RANBP10: variants seen among roughly 807,000 people sequenced by gnomAD.
The protein encoded by RANBP10 is RAN binding protein 10.
In RANBP10, 24 loss-of-function variants were observed where a neutral mutation model predicts 72.8. The observed-to-expected ratio is 0.33, with a 90% CI of 0.24 to 0.46. RANBP10 has a LOEUF of 0.46. Ranked by LOEUF, RANBP10 falls within the 20% of genes least tolerant of loss-of-function variation. RANBP10 has a pLI of 1.00. For synonymous variants in RANBP10, 310 were observed against 322.3 expected, an observed-to-expected ratio of 0.96 and a Z score of 0.41; for missense variants, 679 against 817.5, an observed-to-expected ratio of 0.83 and a Z score of 2.07.
rs750890960 is a variant in RANBP10 at position 67,738,040 on chromosome 16, G to C, written c.569-5C>G. 1.1e-5 allele frequency: 18 copies of C among 1,587,510 alleles called. No individual in the cohort carries two copies. The highest frequency in any genetic ancestry group is 2.3e-5 in the East Asian group (1 of 43,674). ...GGAGGTCTGTGAAGGCTATACCTGTGGGGGGAAAGGAACAGTCATCAGGGC... is the reference window on the plus strand; with the variant it reads ...GGAGGTCTGTGAAGGCTATACCTGTCGGGGGAAAGGAACAGTCATCAGGGC... On this transcript the variant is annotated splice_region_variant and splice_polypyrimidine_tract_variant and intron_variant, in intron 4 of 13. Coordinates refer to ENST00000317506, the MANE Select transcript of RANBP10 (RefSeq NM_020850.3).
chr16:67,747,756 C>T (rs575305613), intron 3 of RANBP10, among the ~76,000 whole-genome samples: 3 of 151,734 alleles, frequency 2.0e-5, no homozygotes, highest in Non-Finnish European at 2.9e-5. Context: ...CCACCCGCCT[C>T]GGCCTCCCAA....
At chr16:67,780,313 T>C (rs2054787939) in intron 2 of RANBP10, among the ~76,000 whole-genome samples, 1 of 151,890 alleles carries the variant, frequency 6.6e-6, no homozygotes, top group Admixed American at 6.6e-5. Context: ...GTTGGGGAAC[T>C]AAGAGAAGTT....
At chr16:67,735,315 G>A (rs2053821500) in intron 5 of RANBP10, among the ~76,000 whole-genome samples, 2 of 152,242 alleles carry the variant, frequency 1.3e-5, no homozygotes, top group African/African-American at 4.8e-5. Flanking sequence ...AGGCCCAAGA[G>A]CCCTTTCTGG....
chr16:67,772,118 T>C (rs895192957), intron 2 of RANBP10, 32 bp from the exon 3 acceptor site: 9 of 1,553,494 alleles, frequency 5.8e-6, no homozygotes, highest in Non-Finnish European at 7.0e-6. Flanking sequence ...AAACACAAAA[T>C]TTTTGGTTAG....
intron 5 of RANBP10, among the ~76,000 whole-genome samples, chr16:67,736,264 C>T (rs1390770972): frequency 6.6e-6 from 1 of 152,128 alleles, no homozygotes; most frequent in Non-Finnish European, 1.5e-5. Flanking sequence ...TGGGTTCAAG[C>T]AATTCTCTTG....
intron 3 of RANBP10, among the ~76,000 whole-genome samples, chr16:67,752,626 A>T (rs1445338271): frequency 1.3e-5 from 2 of 152,092 alleles, no homozygotes; most frequent in Admixed American, 6.6e-5. Flanking sequence ...CTGTGTGTAT[A>T]TATAAGGTAT....
intron 3 of RANBP10, among the ~76,000 whole-genome samples, chr16:67,771,537 G>T (rs967647441): frequency 6.6e-6 from 1 of 152,066 alleles, no homozygotes; most frequent in Non-Finnish European, 1.5e-5. Flanking sequence ...TAGAGACAGG[G>T]TTTCACCATG....
chr16:67,770,713 C>G (rs1171041463), intron 3 of RANBP10, among the ~76,000 whole-genome samples: 1 of 152,186 alleles, frequency 6.6e-6, no homozygotes, highest in Admixed American at 6.5e-5. Flanking sequence ...CAGTTGCAGC[C>G]AGTCCAGGTC....
At chr16:67,806,157 T>C (rs928949950) in intron 1 of RANBP10, 145 bp downstream of exon 1, 1 of 794,646 alleles carries the variant, frequency 1.3e-6, no homozygotes, top group African/African-American at 1.8e-5. Context: ...CTGTTCAGCC[T>C]CACCACCCTG....
At chr16:67,758,156 G>A (rs1161264840) in intron 3 of RANBP10, among the ~76,000 whole-genome samples, 1 of 152,210 alleles carries the variant, frequency 6.6e-6, no homozygotes, top group African/African-American at 2.4e-5. Flanking sequence ...GGCCCAGGGG[G>A]GCCAGGCTGG....
At chr16:67,764,705 A>G (rs1050917113) in intron 3 of RANBP10, among the ~76,000 whole-genome samples, 30 of 152,220 alleles carry the variant, frequency 2.0e-4, no homozygotes, top group Non-Finnish European at 5.9e-5. Context: ...AATTAAATAA[A>G]GCAATGTAAA....
chr16:67,796,824 A>C (rs1011757493), intron 2 of RANBP10, among the ~76,000 whole-genome samples: 19 of 152,174 alleles, frequency 1.2e-4, no homozygotes, highest in Non-Finnish European at 2.4e-4. Flanking sequence ...TGGCCCCTTC[A>C]TGACAGAAGG....
chr16:67,766,388 C>A (rs1399462741), intron 3 of RANBP10, among the ~76,000 whole-genome samples: 1 of 152,164 alleles, frequency 6.6e-6, no homozygotes, highest in Non-Finnish European at 1.5e-5. Context: ...ATGTTTGTCC[C>A]CTCCAAATCT....
chr16:67,773,813 G>A (rs745975108), intron 2 of RANBP10, among the ~76,000 whole-genome samples: 64 of 152,304 alleles, frequency 4.2e-4, no homozygotes, highest in Admixed American at 1.2e-3. Flanking sequence ...TTGAGACAGA[G>A]TTGGATCCTT....
intron 2 of RANBP10, among the ~76,000 whole-genome samples, chr16:67,803,709 T>C (rs2055277745): frequency 6.7e-6 from 1 of 149,202 alleles, no homozygotes; most frequent in African/African-American, 2.5e-5. Context: ...GTATTCCCAG[T>C]TACTCAGGAG....
In RANBP10 at chr16:67,727,360, G is replaced by C; in HGVS notation, c.1699C>G (p.Pro567Ala). The C allele has an allele frequency of 6.2e-7, 1 of 1,613,566 alleles. No homozygotes were observed. Among genetic ancestry groups the C allele is most frequent in the Non-Finnish European group, 8.5e-7 (1 of 1,179,858 alleles). ...GCGCTGTTGAGGGCAGCACACACAG[G>C]TTCCCTCTGGATGGGGTCAAGCTGC... is the stretch of plus-strand genomic sequence containing the variant. ...GQQLDPIQRE[P>A]VCAALNSAIL... Residue 567 changes from proline to alanine, a missense_variant, in exon 13 of 14, where the codon CCT becomes GCT. By Grantham distance (27) the Pro-to-Ala change is conservative. Transcript: ENST00000317506.
At chr16:67,734,770 TA>T in intron 6 of RANBP10, 87 bp downstream of exon 6, 7 of 1,307,864 alleles carry the variant, frequency 5.4e-6, no homozygotes, top group Non-Finnish European at 7.0e-6. Context: ...CTGGAATTTG[TA>T]AGAACAGCTT....
chr16:67,789,522 T>A (rs1413529974), intron 2 of RANBP10, among the ~76,000 whole-genome samples: 5 of 151,030 alleles, frequency 3.3e-5, no homozygotes. Flanking sequence ...TAGGCTGGAG[T>A]GCAATGGCAC....
At chr16:67,802,138 T>C (rs1479762734) in intron 2 of RANBP10, among the ~76,000 whole-genome samples, 1 of 151,492 alleles carries the variant, frequency 6.6e-6, no homozygotes, top group East Asian at 1.9e-4. Flanking sequence ...AATGAGCCAG[T>C]TGATGTCTGC....
Sources: allele counts gnomAD v4.1 joint callset (sites outside exome capture counted in the v4.1 genomes callset), GRCh38; gene constraint gnomAD v4.1.1; transcripts MANE v1.5; gene names NCBI Gene and HGNC (gene_info 2026-07-23, HGNC 2026-07-21).